Variants in PRSS53 observed in about 807,000 individuals in gnomAD.
PRSS53 encodes the protein EDTP308.
A neutral mutation model predicts 62.7 loss-of-function variants in PRSS53; 54 were observed. The observed-to-expected ratio is 0.86, with a 90% CI of 0.69 to 1.08. PRSS53 has a LOEUF of 1.08. Among genes scored for constraint, PRSS53 ranks in the 50% least tolerant of loss-of-function variants. The probability of loss-of-function intolerance (pLI) is 0.00; values close to 1 mark genes in which losing one functional copy is unlikely to be tolerated. For missense variants in PRSS53, 688 were observed against 728.3 expected, an observed-to-expected ratio of 0.94 and a Z score of 0.64; for synonymous variants, 273 against 300.0, an observed-to-expected ratio of 0.91 and a Z score of 0.93.
intron 1 of PRSS53, chr16:31,088,354 TCACAG>T: frequency 8.9e-7 from 1 of 1,118,550 alleles, no homozygotes; most frequent in Non-Finnish European, 1.1e-6. Context: ...CCACCGCCCC[TCACAG>T]GCACACAGGC....
At chr16:31,086,170 C>A in exon 6 of PRSS53, 1 of 1,610,848 alleles carries the variant, frequency 6.2e-7, no homozygotes, top group Non-Finnish European at 8.5e-7. Context: ...CAGCACAGGG[C>A]CCCCGGAATC....
chr16:31,085,179 C>G, exon 7 of PRSS53: 1 of 1,610,090 alleles, frequency 6.2e-7, no homozygotes, highest in Non-Finnish European at 8.5e-7. Flanking sequence ...GGCCAGCTGT[C>G]CCTGGTGCAT....
intron 7 of PRSS53, 38 bp downstream of exon 7, chr16:31,085,072 G>C: frequency 6.2e-7 from 1 of 1,612,278 alleles, no homozygotes; most frequent in Non-Finnish European, 8.5e-7. Context: ...GCTGCCGGCA[G>C]GGGCAGGGGG....
chr16:31,084,106 C>A lies in PRSS53; in HGVS notation c.1642+13G>T. The A allele has an allele frequency of 6.4e-7, 1 of 1,560,478 alleles. No homozygotes were observed. Among genetic ancestry groups the A allele is most frequent in the East Asian group, 2.4e-5 (1 of 41,980 alleles). ...AGAGGCAGGGTTTGGCAGGAGGCCC[C>A]GGGGCCACATACTTATGTTGGCCAG... is the stretch of plus-strand genomic sequence containing the variant. On this transcript the variant is annotated intron_variant, in intron 10 of 10. Transcript: ENST00000280606.
intron 6 of PRSS53, 47 bp downstream of exon 6, chr16:31,085,917 T>C (rs372908965): frequency 1.3e-6 from 2 of 1,547,184 alleles, no homozygotes; most frequent in Non-Finnish European, 1.8e-6. Context: ...TAACTGAGGT[T>C]TGCTTCACAG....
At chr16:31,088,908 C>G in exon 1 of PRSS53, 1 of 1,554,778 alleles carries the variant, frequency 6.4e-7, no homozygotes, top group Non-Finnish European at 8.7e-7. Flanking sequence ...GGCTAGGATT[C>G]AGCTGTCTGC....
At chr16:31,084,897 G>A in exon 8 of PRSS53, 8 of 1,543,796 alleles carry the variant, frequency 5.2e-6, no homozygotes, top group South Asian at 1.2e-5. Context: ...GGCTGGGCCA[G>A]CAGCAGGAGG....
At chr16:31,086,477 G>T (rs755520705) in exon 5 of PRSS53, 1 of 1,613,284 alleles carries the variant, frequency 6.2e-7, no homozygotes. Flanking sequence ...CGCAGATTGC[G>T]TAGGGTCCCA....
At chr16:31,084,305 C>T (rs1213774159) in exon 10 of PRSS53, 10 of 1,612,814 alleles carry the variant, frequency 6.2e-6, no homozygotes, top group Non-Finnish European at 8.5e-6. Flanking sequence ...GTGCCCCTCA[C>T]CTCATGCACC....
chr16:31,086,610 C>A (rs752134487), intron 4 of PRSS53, 23 bp downstream of exon 4: 75 of 1,542,450 alleles, frequency 4.9e-5, no homozygotes, highest in Non-Finnish European at 6.2e-5. Flanking sequence ...CCTCTCCGAG[C>A]TTCAGTCTGG....
Position 31,086,505 on chromosome 16 carries a change from C to T in PRSS53, c.509-14G>A, listed in dbSNP as rs1036677977. On this transcript the variant is annotated splice_polypyrimidine_tract_variant and intron_variant, in intron 4 of 10. Coordinates refer to ENST00000280606, the Ensembl canonical transcript of PRSS53. ...GGGTCCCAGGAGCTGGTGAAAGAGA[C>T]GGGGCTGGGGCTAGAGTCTGGGATC... is the stretch of plus-strand genomic sequence containing the variant. 22 of 1,605,764 alleles carry T rather than the reference C, an allele frequency of 1.4e-5. No individual in the cohort carries two copies. The highest frequency in any genetic ancestry group is 1.8e-5 in the Non-Finnish European group (21 of 1,174,460).
intron 10 of PRSS53, 54 bp from the exon 11 acceptor site, chr16:31,083,863 TC>T: frequency 7.3e-7 from 1 of 1,370,850 alleles, no homozygotes; most frequent in Admixed American, 1.7e-5. Flanking sequence ...CTTTGGTCCC[TC>T]CCTCCCTCCC....
chr16:31,087,371 G>T (rs927056128), intron 3 of PRSS53, 166 bp downstream of exon 3: 3 of 622,862 alleles, frequency 4.8e-6, no homozygotes, highest in Admixed American at 3.1e-5. Flanking sequence ...TACCATGAAA[G>T]GTGGTTGTTA....
At chr16:31,083,780 A>G in exon 11 of PRSS53, 4 of 1,614,154 alleles carry the variant, frequency 2.5e-6, no homozygotes, top group Non-Finnish European at 3.4e-6. Context: ...GAGAATGGCC[A>G]GGTCCCCTGT....
intron 1 of PRSS53, chr16:31,088,199 C>T (rs2057254473): frequency 8.3e-7 from 1 of 1,203,750 alleles, no homozygotes; most frequent in Non-Finnish European, 1.0e-6. Context: ...CAGCAGAGGC[C>T]TAAGAGGAAG....
At chr16:31,087,504 C>G in intron 3 of PRSS53, 33 bp downstream of exon 3, 1 of 1,564,894 alleles carries the variant, frequency 6.4e-7, no homozygotes, top group South Asian at 1.1e-5. Flanking sequence ...TCCCCAGAGC[C>G]GGAGACCCTG....
At chr16:31,086,845 C>G (rs559983068) in exon 4 of PRSS53, 1 of 1,611,682 alleles carries the variant, frequency 6.2e-7, no homozygotes, top group Admixed American at 1.7e-5. Flanking sequence ...GAGTCCCTCA[C>G]GCTGCAGAGA....
chr16:31,083,655 T>C, exon 11 of PRSS53: 8 of 1,546,000 alleles, frequency 5.2e-6, no homozygotes, highest in Non-Finnish European at 7.0e-6. Context: ...CCCAGGCAGG[T>C]TCCTTCCCAC....
chr16:31,086,894 C>T, exon 4 of PRSS53: 1 of 1,590,544 alleles, frequency 6.3e-7, no homozygotes, highest in African/African-American at 1.3e-5. Context: ...TCTGTTGCTG[C>T]TGCCCTGGAA....
Sources: gnomAD v4.1 joint callset for allele counts on GRCh38, gnomAD v4.1.1 for gene constraint, MANE v1.5 for transcripts, NCBI Gene and HGNC (gene_info 2026-07-23, HGNC 2026-07-21) for gene names.